Variants in KYAT3 observed in about 807,000 individuals in gnomAD.
The protein encoded by KYAT3 is kynurenine aminotransferase 3.
A neutral mutation model predicts 59.0 loss-of-function variants in KYAT3; 50 were observed. The ratio of observed to expected loss-of-function variants is 0.85; its 90% CI spans 0.68 to 1.07. The LOEUF (loss-of-function observed/expected upper bound fraction) is 1.07, where lower values mean the gene tolerates loss of function less well. Among genes scored for constraint, KYAT3 ranks in the 50% least tolerant of loss-of-function variants. The pLI is 0.00. For synonymous variants in KYAT3, 148 were observed against 177.0 expected, an observed-to-expected ratio of 0.84 and a Z score of 1.30; for missense variants, 497 against 533.3, an observed-to-expected ratio of 0.93 and a Z score of 0.67.
At chr1:88,983,636 T>C (rs1455987789) in intron 2 of KYAT3, 2 of 1,613,984 alleles carry the variant, frequency 1.2e-6, no homozygotes, top group Non-Finnish European at 1.7e-6. Context: ...TCTGGCTGCA[T>C]CCTTAGCGTC....
At chr1:88,991,442 G>A (rs922056082) in intron 1 of KYAT3, among the ~76,000 whole-genome samples, 1 of 152,248 alleles carries the variant, frequency 6.6e-6, no homozygotes, top group African/African-American at 2.4e-5. Flanking sequence ...ACTGTTACAA[G>A]AGTCCGACCA....
At chr1:88,948,126 A>G (rs925474696) in intron 11 of KYAT3, among the ~76,000 whole-genome samples, 1 of 151,930 alleles carries the variant, frequency 6.6e-6, no homozygotes, top group Admixed American at 6.6e-5. Context: ...AAAACAAAAC[A>G]AAACAAAACA....
At chr1:88,927,628 T>G in the KYAT3 span, among the ~76,000 whole-genome samples, 20 of 151,528 alleles carry the variant, frequency 1.3e-4, 1 homozygote, top group Admixed American at 1.1e-3. Flanking sequence ...GGGTAAACAA[T>G]GAACCAAAGA....
At chr1:88,976,806 C>G (rs1195984671) in intron 2 of KYAT3, among the ~76,000 whole-genome samples, 2 of 151,592 alleles carry the variant, frequency 1.3e-5, no homozygotes, top group African/African-American at 4.9e-5. Context: ...ACGTATGTGT[C>G]TTAGTTTTTA....
chr1:88,983,194 A>T, intron 2 of KYAT3: 1 of 1,612,806 alleles, frequency 6.2e-7, no homozygotes, highest in Admixed American at 1.7e-5. Flanking sequence ...AATACCCATC[A>T]TCTCTTGGGG....
In KYAT3 at chr1:88,964,963, C is replaced by G; in HGVS notation, c.319G>C (p.Val107Leu). ...YTRGFGHPSL[V>L]KALSYLYEKL... ...TCATACAGATAGGACAGAGCTTTCA[C>G]AAGTGATGGATGGCCCTGTTGGATT... Residue 107 changes from valine (V) to leucine (L), a missense_variant, in exon 5 of 14, where the codon GTG (valine) becomes CTG (leucine). Val to Leu is a conservative substitution (Grantham distance 32). Transcript: ENST00000260508. The G allele has an allele frequency of 6.2e-7, 1 of 1,601,744 alleles. No homozygotes were observed.
intron 2 of KYAT3, among the ~76,000 whole-genome samples, chr1:88,973,854 T>C (rs1273192060): frequency 6.6e-6 from 1 of 152,186 alleles, no homozygotes; most frequent in Admixed American, 6.6e-5. Context: ...TTCAATTGTA[T>C]ATATTTTTAG....
intron 2 of KYAT3, chr1:88,983,469 T>C: frequency 6.2e-7 from 1 of 1,614,152 alleles, no homozygotes; most frequent in Non-Finnish European, 8.5e-7. Context: ...GGAGGTCCCC[T>C]GGTTCCTCCA....
chr1:88,934,166 G>A (rs1674967636), downstream of KYAT3, among the ~76,000 whole-genome samples: 1 of 152,122 alleles, frequency 6.6e-6, no homozygotes, highest in African/African-American at 2.4e-5. Context: ...TTAAAAATAG[G>A]AGAATCAGCT....
At position 88,985,790 on chromosome 1, in the gene KYAT3, T is replaced by C. The variant is rs141944397; in HGVS notation, c.99+2462A>G. Among the ~76,000 whole-genome samples the C allele has an allele frequency of 7.5e-4, 114 of 152,328 alleles. 3 individuals are homozygous for C. In the East Asian group the frequency reaches 0.019, roughly 26 times the overall value. On this transcript the variant is annotated intron_variant, in intron 2 of 13. Transcript: ENST00000260508. The stretch of plus-strand genomic sequence containing the variant: ...CCCACTCAGAAAGTAGGAAAGATTC[T>C]CTTAGATACAAGTAAGGATGAGTAA...
At chr1:88,948,975 C>T (rs1570782344) in intron 11 of KYAT3, 116 bp downstream of exon 11, 1 of 796,118 alleles carries the variant, frequency 1.3e-6, no homozygotes, top group Non-Finnish European at 1.9e-6. Flanking sequence ...AAAAATCCAT[C>T]CTTCTCCACA....
At chr1:88,958,346 C>A (rs371187037) in intron 8 of KYAT3, among the ~76,000 whole-genome samples, 1 of 151,490 alleles carries the variant, frequency 6.6e-6, no homozygotes, top group African/African-American at 2.4e-5. Context: ...TAAATAGCCC[C>A]GATGTACCAT....
intron 8 of KYAT3, 73 bp from the exon 9 acceptor site, chr1:88,955,298 C>A: frequency 1.2e-6 from 1 of 848,034 alleles, no homozygotes; most frequent in Non-Finnish European, 1.9e-6. Context: ...AAAAACATAA[C>A]AAAGATACAT....
intron 2 of KYAT3, among the ~76,000 whole-genome samples, chr1:88,987,113 A>G (rs1397068256): frequency 6.6e-6 from 1 of 152,266 alleles, no homozygotes; most frequent in African/African-American, 2.4e-5. Context: ...CATACATCAG[A>G]ATCAGCTGGA....
chr1:88,945,441 TG>T lies in KYAT3; in HGVS notation c.1142-2019del, dbSNP rs201072637. Among the ~76,000 whole-genome samples, 63 of 152,354 alleles carry T rather than the reference TG, an allele frequency of 4.1e-4. No individual in the cohort carries two copies. In the East Asian group the frequency reaches 0.011, roughly 26 times the overall value. On this transcript the variant is annotated intron_variant, in intron 11 of 13. Coordinates refer to ENST00000260508, the MANE Select transcript of KYAT3 (RefSeq NM_001008661.3). Reference sequence around the variant, plus strand: ...ACTGTAATAATCTCATTTGAAATCTTGTCTTCTAATTACTGGATTCAGAGGC... The same window carrying T: ...ACTGTAATAATCTCATTTGAAATCTTTCTTCTAATTACTGGATTCAGAGGC...
chr1:88,954,102 A>G (rs1311709615), intron 9 of KYAT3, among the ~76,000 whole-genome samples: 2 of 151,838 alleles, frequency 1.3e-5, no homozygotes, highest in Non-Finnish European at 2.9e-5. Flanking sequence ...GGGTTCCACC[A>G]TGTTAGGCTG....
chr1:88,979,528 A>T (rs1280623366), intron 2 of KYAT3: 1 of 152,204 alleles, frequency 6.6e-6, no homozygotes, highest in African/African-American at 2.4e-5. Context: ...AATCCAATTA[A>T]AAGTGGGCAA....
In KYAT3 at chr1:88,953,146, A is replaced by G; in HGVS notation, c.871T>C (p.Trp291Arg). 3 of 1,609,550 alleles carry G rather than the reference A, an allele frequency of 1.9e-6. No homozygotes were observed. The highest frequency in any genetic ancestry group is 2.6e-6 in the Non-Finnish European group (3 of 1,176,000). ...ATCAAATGATTTGGACCAATGGACC[A>G]GCCAAGCTGGGAAAGGAAAAGATAA... is the stretch of plus-strand genomic sequence containing the variant. ...TFSVTGWKLGWSIGPNHLIKH... is the reference protein window; with the variant it reads ...TFSVTGWKLGRSIGPNHLIKH... The change falls in exon 10 of 14, where the codon TGG becomes CGG. Residue 291 changes from tryptophan to arginine, a missense_variant. Around this residue, in one of 2 missense-constraint regions of KYAT3, gnomAD observed 469 missense variants for 479.1 expected, o/e 0.98. Coordinates refer to ENST00000260508, the MANE Select transcript of KYAT3 (RefSeq NM_001008661.3).
intron 2 of KYAT3, among the ~76,000 whole-genome samples, chr1:88,973,975 T>G (rs1216345301): frequency 6.6e-6 from 1 of 152,160 alleles, no homozygotes; most frequent in Admixed American, 6.5e-5. Context: ...CTGTGTAGTA[T>G]GGGCTGTGAA....
Sources: gnomAD v4.1 joint callset for allele counts (sites outside exome capture counted in the v4.1 genomes callset) on GRCh38, gnomAD v4.1.1 for gene constraint, gnomAD v4.1.1 regional missense constraint, MANE v1.5 for transcripts, NCBI Gene and HGNC (gene_info 2026-07-23, HGNC 2026-07-21) for gene names.